The following ZNF395 variants were observed in gnomAD, a reference collection of about 807,000 sequenced individuals.
ZNF395 encodes the protein zinc finger protein 395.
Under a neutral mutation model 57.7 loss-of-function variants are expected in ZNF395, and 20 were observed. That is an observed-to-expected ratio of 0.35 (90% CI 0.24 to 0.50). The LOEUF (loss-of-function observed/expected upper bound fraction) is 0.50, where lower values mean the gene tolerates loss of function less well. Among genes scored for constraint, ZNF395 ranks in the 20% least tolerant of loss-of-function variants. The pLI, the probability that ZNF395 is intolerant of heterozygous loss-of-function variation, is 0.97. For synonymous variants in ZNF395, 295 were observed against 275.9 expected, an observed-to-expected ratio of 1.07 and a Z score of -0.69; for missense variants, 606 against 671.2, an observed-to-expected ratio of 0.90 and a Z score of 1.07.
Position 28,351,718 on chromosome 8 carries a change from G to A in ZNF395, c.1010C>T (p.Ala337Val), listed in dbSNP as rs143222023. The A allele has an allele frequency of 2.4e-5, 39 of 1,607,552 alleles. 1 individual carries two copies. The South Asian group carries it at 2.6e-4, about 11-fold the overall frequency. ...GACTGGGGTGCCTGCGGCAGCAGCAGCAGCAGCAGCAGCAGATTCCTCCTT... is the reference window on the plus strand; with the variant it reads ...GACTGGGGTGCCTGCGGCAGCAGCAACAGCAGCAGCAGCAGATTCCTCCTT... ...QLKEESAAAA[A>V]AAAAGTPVPG... is the part of the protein sequence containing the mutation. The change falls in exon 7 of 10, where the codon GCT becomes GTT. Residue 337 changes from alanine to valine, a missense_variant. This residue lies in a region of ZNF395 where 261 missense variants were observed against 240.3 expected (regional missense o/e 1.09). Coordinates refer to ENST00000344423, the MANE Select transcript of ZNF395 (RefSeq NM_018660.3).
intron 3 of ZNF395, among the ~76,000 whole-genome samples, chr8:28,358,339 A>T (rs1377548725): frequency 6.7e-6 from 1 of 148,328 alleles, no homozygotes; most frequent in African/African-American, 2.5e-5. Flanking sequence ...CAAACTCCTG[A>T]CCTCACGTGA....
chr8:28,363,045 G>A (rs772048125), intron 1 of ZNF395, among the ~76,000 whole-genome samples: 2 of 151,534 alleles, frequency 1.3e-5, no homozygotes, highest in Non-Finnish European at 2.9e-5. Flanking sequence ...AATAAAAAGG[G>A]AGACAAATGT....
In ZNF395 at chr8:28,358,285, T is replaced by C. The variant is rs146958477; in HGVS notation, c.473+1307A>G. On this transcript the variant is annotated intron_variant, in intron 3 of 9. Coordinates refer to ENST00000344423, the MANE Select transcript of ZNF395 (RefSeq NM_018660.3). ...CCACCATGCCCAGCTAATTTTTCTA[T>C]TTTCAGTAGAGACGGGGTTTCATCA... is the stretch of plus-strand genomic sequence containing the variant. 1.2e-3 allele frequency among the ~76,000 whole-genome samples: 187 copies of C among 152,114 alleles called. 1 individual carries two copies. Among genetic ancestry groups the C allele is most frequent in the African/African-American group, 4.2e-3 (175 of 41,490 alleles).
At chr8:28,350,196 G>A (rs764160622) in intron 7 of ZNF395, 40 bp from the exon 8 acceptor site, 1 of 1,539,434 alleles carries the variant, frequency 6.5e-7, no homozygotes, top group East Asian at 2.3e-5. Flanking sequence ...TCTAGCTCAG[G>A]AAGTGTTCAG....
At position 28,359,684 on chromosome 8, in the gene ZNF395, C is replaced by A. The variant is rs758710479; in HGVS notation, c.381G>T (p.Leu127=). ...CRVEEVWLAE[L]QGPCPQAPPL... is the part of the protein sequence containing the mutation. ...GTGGTGCCTGGGGACAGGGGCCCTG[C>A]AGCTCTGCCAGCCACACCTCCTCCA... The change falls in exon 3 of 10, where the codon CTG becomes CTT. Residue 127 remains leucine (L), a synonymous_variant. Coordinates refer to ENST00000344423, the MANE Select transcript of ZNF395 (RefSeq NM_018660.3). The surrounding 1 kb of genome is among the most constrained non-coding windows in gnomAD (Gnocchi z 4.7). 1.2e-6 allele frequency: 2 copies of A among 1,613,968 alleles called. No homozygotes were observed. Among genetic ancestry groups the A allele is most frequent in the Admixed American group, 1.7e-5 (1 of 60,028 alleles).
intron 1 of ZNF395, among the ~76,000 whole-genome samples, chr8:28,369,439 G>A (rs182568660): frequency 2.6e-5 from 4 of 152,158 alleles, no homozygotes; most frequent in Admixed American, 2.6e-4. Flanking sequence ...CTCTCCTTGC[G>A]GTGGGTAATC....
rs536350140 is a variant in ZNF395, at chr8:28,361,865, A to C, written c.-58-683T>G. 2.0e-5 allele frequency among the ~76,000 whole-genome samples: 3 copies of C among 152,152 alleles called. No homozygotes were observed. In the East Asian group the frequency reaches 5.8e-4, roughly 29 times the overall value. The stretch of plus-strand genomic sequence containing the variant: ...CCAACACTTTGGGAGGCTGAGATAG[A>C]TGGATCACTTGAGGTCGGGAGTTCA... On this transcript the variant is annotated intron_variant, in intron 1 of 9. Transcript: ENST00000344423.
chr8:28,352,625 C>T lies in ZNF395; in HGVS notation c.868G>A (p.Val290Ile). Residue 290 changes from valine to isoleucine, a missense_variant, in exon 6 of 10, where the codon GTT (valine) becomes ATT (isoleucine). By Grantham distance (29) the Val-to-Ile change is conservative. Around this residue, in one of 3 missense-constraint regions of ZNF395, gnomAD observed 261 missense variants for 240.3 expected, o/e 1.09. Coordinates refer to ENST00000344423, the MANE Select transcript of ZNF395 (RefSeq NM_018660.3). This position sits in a 1 kb window ranked among gnomAD's most constrained non-coding sequence, Gnocchi z 4.0. The part of the protein sequence containing the change: ...YKCLWPNCGK[V>I]LRSIVGIKRH... ...TTGATGCCCACAATGGAGCGCAGAA[C>T]TTTGCCACAGTTTGGCCACAGGCAC... 1.2e-6 allele frequency: 2 copies of T among 1,614,218 alleles called. No homozygotes were observed. Among genetic ancestry groups the T allele is most frequent in the Non-Finnish European group, 1.7e-6 (2 of 1,180,040 alleles).
intron 7 of ZNF395, 49 bp downstream of exon 7, chr8:28,351,446 G>A (rs761437219): frequency 4.6e-6 from 7 of 1,520,262 alleles, no homozygotes; most frequent in East Asian, 4.6e-5. Context: ...AAGCTGGCCC[G>A]TGATGAGTCA....
rs1391872979 is a variant in ZNF395 at position 28,347,741 on chromosome 8, C to G, written c.*978G>C. The G allele has an allele frequency of 6.6e-6, 1 of 152,242 alleles. No homozygotes were observed. The highest frequency in any genetic ancestry group is 2.4e-5 in the African/African-American group (1 of 41,434). The allele number at this position is 152,242 out of a possible 1,614,324, so 9.4% of individuals were successfully genotyped here. A position where few individuals can be genotyped will look rare whatever the true frequency, so the allele number is the denominator to read the frequency against. ...GACAGAAAGGAACCTCCAGAACCTC[C>G]CTGGGTCTCTCCCGGCCACCCAAAT... is the stretch of plus-strand genomic sequence containing the variant. On this transcript the variant is annotated 3_prime_UTR_variant, in exon 10 of 10. Coordinates refer to ENST00000344423, the MANE Select transcript of ZNF395 (RefSeq NM_018660.3).
At position 28,353,190 on chromosome 8, in the gene ZNF395, C is replaced by T. The variant is rs1801739016; in HGVS notation, c.802G>A (p.Ala268Thr). 6.2e-7 allele frequency: 1 copy of T among 1,613,382 alleles called. No homozygotes were observed. The highest frequency in any genetic ancestry group is 8.5e-7 in the Non-Finnish European group (1 of 1,179,950). The stretch of plus-strand genomic sequence containing the variant: ...TCACGTACCTTTCTTTTTCGTGGAG[C>T]TGGTTCGTCCAGCAGGAAAGGGTCA... ...DPDPFLLDEP[A>T]PRKRKNSVKV... The change falls in exon 5 of 10, where the codon GCT (alanine) becomes ACT (threonine). Residue 268 changes from alanine (A) to threonine (T), a missense_variant. Around this residue, in one of 3 missense-constraint regions of ZNF395, gnomAD observed 309 missense variants for 374.7 expected, o/e 0.82. Coordinates refer to ENST00000344423, the MANE Select transcript of ZNF395 (RefSeq NM_018660.3).
At chr8:28,367,018 T>A (rs1411002397) in intron 1 of ZNF395, among the ~76,000 whole-genome samples, 1 of 152,058 alleles carries the variant, frequency 6.6e-6, no homozygotes, top group African/African-American at 2.4e-5. Context: ...TACTTAGGAT[T>A]TTCACAGTAC....
chr8:28,379,709 A>C (rs918649071), intron 1 of ZNF395, among the ~76,000 whole-genome samples: 1 of 152,094 alleles, frequency 6.6e-6, no homozygotes, highest in African/African-American at 2.4e-5. Flanking sequence ...GCGAGCAGGC[A>C]CTCAAGATTA....
intron 1 of ZNF395, among the ~76,000 whole-genome samples, chr8:28,376,145 T>G (rs1458468031): frequency 6.6e-6 from 1 of 151,932 alleles, no homozygotes; most frequent in Non-Finnish European, 1.5e-5. Context: ...CAGCTCATTT[T>G]TGTATTTTTT....
At chr8:28,380,662 A>G (rs982912470) in intron 1 of ZNF395, among the ~76,000 whole-genome samples, 1 of 152,220 alleles carries the variant, frequency 6.6e-6, no homozygotes, top group African/African-American at 2.4e-5. Flanking sequence ...AAACTGTTAA[A>G]TACTTTACTG....
chr8:28,363,221 T>A (rs530018952), intron 1 of ZNF395, among the ~76,000 whole-genome samples: 24 of 151,778 alleles, frequency 1.6e-4, no homozygotes, highest in African/African-American at 5.8e-4. Flanking sequence ...AACCTCTGCC[T>A]CCTGGGTTCA....
At chr8:28,358,700 AG>A (rs1443194721) in intron 3 of ZNF395, among the ~76,000 whole-genome samples, 2 of 152,218 alleles carry the variant, frequency 1.3e-5, no homozygotes, top group Admixed American at 1.3e-4. Flanking sequence ...GTGGAGTTAC[AG>A]GTGTGAGCCA....
At chr8:28,362,183 A>G (rs949935834) in intron 1 of ZNF395, among the ~76,000 whole-genome samples, 1 of 152,160 alleles carries the variant, frequency 6.6e-6, no homozygotes, top group African/African-American at 2.4e-5. Context: ...TGACTTGTTC[A>G]GATGGCAAAG....
intron 1 of ZNF395, among the ~76,000 whole-genome samples, chr8:28,367,303 C>A (rs1563340519): frequency 6.6e-6 from 1 of 152,140 alleles, no homozygotes; most frequent in Non-Finnish European, 1.5e-5. Flanking sequence ...AACTGAGCAT[C>A]CAGCCTTCCT....
Sources: gnomAD v4.1 joint callset for allele counts (sites outside exome capture counted in the v4.1 genomes callset) on GRCh38, gnomAD v4.1.1 for gene constraint, gnomAD v4.1.1 regional missense constraint, Gnocchi (gnomAD v3.1) non-coding constraint, MANE v1.5 for transcripts, NCBI Gene and HGNC (gene_info 2026-07-23, HGNC 2026-07-21) for gene names.